ACTR5: variants seen among roughly 807,000 people sequenced by gnomAD.
ACTR5 encodes the protein actin-related protein 5.
A neutral mutation model predicts 61.2 loss-of-function variants in ACTR5; 43 were observed. That is an observed-to-expected ratio of 0.70 (90% CI 0.55 to 0.91). The LOEUF is 0.91. ACTR5 is among the 40% of genes least tolerant of loss of function. The pLI, the probability that ACTR5 is intolerant of heterozygous loss-of-function variation, is 0.00. For missense variants in ACTR5, 798 were observed against 782.2 expected (o/e 1.02, Z -0.24); for synonymous variants, 333 against 310.5 (o/e 1.07, Z -0.76).
intron 8 of ACTR5, among the ~76,000 whole-genome samples, chr20:38,767,887 G>A (rs1359706162): frequency 6.6e-6 from 1 of 152,184 alleles, no homozygotes; most frequent in Non-Finnish European, 1.5e-5. Flanking sequence ...AGACATTGTG[G>A]GGCATGGGAT....
At chr20:38,766,733 T>C (rs2084489207) in intron 7 of ACTR5, among the ~76,000 whole-genome samples, 1 of 152,126 alleles carries the variant, frequency 6.6e-6, no homozygotes, top group Non-Finnish European at 1.5e-5. Flanking sequence ...CTAATAAAAT[T>C]TTTTTCCCCT....
Position 38,765,474 on chromosome 20 carries a change from T to G in ACTR5, c.1249T>G (p.Ser417Ala). ...CATGAATGATTTTGATCCCTTGTTTTCAGAGGAAACACCTGGAGTGGAGAA... is the reference window on the plus strand; with the variant it reads ...CATGAATGATTTTGATCCCTTGTTTGCAGAGGAAACACCTGGAGTGGAGAA... Reference protein sequence around the residue: ...ESMNDFDPLFSEETPGVEKPV... With the variant: ...ESMNDFDPLFAEETPGVEKPV... The change falls in exon 6 of 9, where the codon TCA (serine) becomes GCA (alanine). Residue 417 changes from serine to alanine, a missense_variant. Physicochemically the swap from Ser to Ala is moderately conservative, Grantham distance 99. Transcript: ENST00000243903. 1 of 1,614,204 alleles carries G rather than the reference T, an allele frequency of 6.2e-7. No homozygotes were observed. The highest frequency in any genetic ancestry group is 8.5e-7 in the Non-Finnish European group (1 of 1,180,024).
intron 8 of ACTR5, among the ~76,000 whole-genome samples, chr20:38,770,521 A>G (rs1195392063): frequency 6.6e-6 from 1 of 152,156 alleles, no homozygotes; most frequent in Non-Finnish European, 1.5e-5. Context: ...AATTATTATG[A>G]CAATTTTTTT....
intron 5 of ACTR5, among the ~76,000 whole-genome samples, chr20:38,762,162 T>C (rs963584487): frequency 6.6e-6 from 1 of 152,204 alleles, no homozygotes; most frequent in Non-Finnish European, 1.5e-5. Flanking sequence ...TGGAATCAGC[T>C]GGAGGGTTTT....
At position 38,759,958 on chromosome 20, in the gene ACTR5, C is replaced by T. The variant is rs559830589; in HGVS notation, c.1176+3919C>T. 1.3e-4 allele frequency among the ~76,000 whole-genome samples: 20 copies of T among 151,700 alleles called. No individual in the cohort carries two copies. The East Asian group carries it at 1.4e-3, about 10-fold the overall frequency. The stretch of plus-strand genomic sequence containing the variant: ...AGGAGGGAAGATCACTTGTGCCCAG[C>T]GCTTTGAGACCAATCCCTGAGTCAC... On this transcript the variant is annotated intron_variant, in intron 5 of 8. Transcript: ENST00000243903.
At chr20:38,767,723 C>G (rs1441104849) in intron 8 of ACTR5, 127 bp downstream of exon 8, 2 of 1,069,396 alleles carry the variant, frequency 1.9e-6, no homozygotes, top group African/African-American at 3.2e-5. Context: ...GTCTTAAGTC[C>G]ATGCTTAATT....
rs568689547 is a variant in ACTR5 at position 38,771,996 on chromosome 20, G to C, written c.*180G>C. On this transcript the variant is annotated 3_prime_UTR_variant, in exon 9 of 9. Coordinates refer to ENST00000243903, the MANE Select transcript of ACTR5 (RefSeq NM_024855.4). ...CACTGAGACCTGCCCTTCAGAATTCGGTTCACTTGGGGGCTTCTGTGGTAG... is the reference window on the plus strand; with the variant it reads ...CACTGAGACCTGCCCTTCAGAATTCCGTTCACTTGGGGGCTTCTGTGGTAG... 1.2e-6 allele frequency: 1 copy of C among 854,582 alleles called. No individual in the cohort carries two copies. The highest frequency in any genetic ancestry group is 1.7e-5 in the African/African-American group (1 of 58,566). The allele number at this position is 854,582 out of a possible 1,614,324, so 52.9% of individuals were successfully genotyped here.
At position 38,748,795 on chromosome 20, in the gene ACTR5, T is replaced by G. The variant is rs752574192; in HGVS notation, c.317T>G (p.Leu106Arg). The stretch of plus-strand genomic sequence containing the variant: ...TTCGACCGCAACGTGCCGGTCAACC[T>G]GGAGCTTCAGGAGTTGCTGCTGGAC... ...SPFDRNVPVN[L>R]ELQELLLDYS... The change falls in exon 1 of 9, where the codon CTG becomes CGG. Residue 106 changes from leucine to arginine, a missense_variant. Leu to Arg is a moderately radical substitution (Grantham distance 102). Coordinates refer to ENST00000243903, the MANE Select transcript of ACTR5 (RefSeq NM_024855.4). The G allele has an allele frequency of 4.3e-6, 7 of 1,609,392 alleles. No individual in the cohort carries two copies. In the South Asian group the frequency reaches 7.7e-5, roughly 18 times the overall value.
In ACTR5 at chr20:38,763,649, C is replaced by T. The variant is rs547699736; in HGVS notation, c.1177-1753C>T. Reference sequence around the variant, plus strand: ...CCTCTTCCCACATGTCCACTGCCTACTAGTGTGATGTGATCTTGGGCAAGT... The same window carrying T: ...CCTCTTCCCACATGTCCACTGCCTATTAGTGTGATGTGATCTTGGGCAAGT... On this transcript the variant is annotated intron_variant, in intron 5 of 8. Coordinates refer to ENST00000243903, the MANE Select transcript of ACTR5 (RefSeq NM_024855.4). Among the ~76,000 whole-genome samples the T allele has an allele frequency of 2.6e-5, 4 of 152,242 alleles. No individual in the cohort carries two copies. The South Asian group carries it at 8.3e-4, about 32-fold the overall frequency.
Position 38,750,159 on chromosome 20 carries a change from G to A in ACTR5, c.525G>A (p.Lys175=). Residue 175 remains lysine (K), a synonymous_variant, in exon 2 of 9, where the codon AAG becomes AAA. Coordinates refer to ENST00000243903, the MANE Select transcript of ACTR5 (RefSeq NM_024855.4). The part of the protein sequence containing the change: ...IDSLFSFYHN[K]PKNSMCSGLI... Reference sequence around the variant, plus strand: ...GCCTCTTCAGCTTCTACCACAATAAGCCAAAGAACTCGATGTGCAGTGGGC... The same window carrying A: ...GCCTCTTCAGCTTCTACCACAATAAACCAAAGAACTCGATGTGCAGTGGGC... The A allele has an allele frequency of 6.2e-7, 1 of 1,614,184 alleles. No individual in the cohort carries two copies.
At chr20:38,760,768 C>T (rs180779534) in intron 5 of ACTR5, among the ~76,000 whole-genome samples, 2 of 152,276 alleles carry the variant, frequency 1.3e-5, no homozygotes, top group East Asian at 3.9e-4. Context: ...AACCCTTAGG[C>T]TGTATTGAAA....
chr20:38,755,892 C>T lies in ACTR5; in HGVS notation c.1029C>T (p.His343=). Residue 343 remains histidine (H), a synonymous_variant, in exon 5 of 9, where the codon CAC becomes CAT. Coordinates refer to ENST00000243903, the MANE Select transcript of ACTR5 (RefSeq NM_024855.4). ...AGGATGGCCAGATGGATCAGTTTCA[C>T]AAAGCTCTGATAGAGCTGAATATGG... is the stretch of plus-strand genomic sequence containing the variant. ...LLEDGQMDQF[H]KALIELNMDS... The T allele has an allele frequency of 6.2e-7, 1 of 1,614,156 alleles. No individual in the cohort carries two copies.
intron 5 of ACTR5, among the ~76,000 whole-genome samples, chr20:38,758,249 T>C (rs1266860120): frequency 6.6e-6 from 1 of 152,230 alleles, no homozygotes; most frequent in Non-Finnish European, 1.5e-5. Flanking sequence ...ACTCAGTAGG[T>C]ACCTACTTCA....
At chr20:38,754,910 G>T in intron 3 of ACTR5, 47 bp from the exon 4 acceptor site, 1 of 1,594,314 alleles carries the variant, frequency 6.3e-7, no homozygotes, top group Admixed American at 1.7e-5. Flanking sequence ...TAATTGTTGT[G>T]TTAATAGTGT....
intron 5 of ACTR5, among the ~76,000 whole-genome samples, chr20:38,759,702 G>A (rs1346644741): frequency 1.3e-5 from 2 of 152,144 alleles, no homozygotes; most frequent in African/African-American, 4.8e-5. Flanking sequence ...CAGGGATGCA[G>A]AGGTGATTAA....
chr20:38,771,761 A>G lies in ACTR5; in HGVS notation c.1769A>G (p.Gln590Arg). The change falls in exon 9 of 9, where the codon CAG becomes CGG. Residue 590 changes from glutamine (Q) to arginine (R), a missense_variant. Transcript: ENST00000243903. ...PKQASRSSDA[Q>R]ASSKGSAAGG... ...CAGGCCTCCCGCTCCTCAGATGCCC[A>G]GGCATCCAGCAAGGGCTCCGCTGCT... 1.2e-6 allele frequency: 2 copies of G among 1,614,004 alleles called. No individual in the cohort carries two copies. The highest frequency in any genetic ancestry group is 1.1e-5 in the South Asian group (1 of 91,070).
chr20:38,751,949 G>T (rs1269563801), intron 2 of ACTR5, among the ~76,000 whole-genome samples, 182 bp from the exon 3 acceptor site: 1 of 152,180 alleles, frequency 6.6e-6, no homozygotes, highest in Non-Finnish European at 1.5e-5. Context: ...AGCTAGGAAT[G>T]CCTGCCTAGA....
chr20:38,772,109 G>A lies in ACTR5; in HGVS notation c.*293G>A. ...AGCAGTAAATGAAGACAGAGTGGAG[G>A]ACACAAATGTACAAAATGCACAAGA... On this transcript the variant is annotated 3_prime_UTR_variant, in exon 9 of 9. Coordinates refer to ENST00000243903, the MANE Select transcript of ACTR5 (RefSeq NM_024855.4). 2 of 414,998 alleles carry A rather than the reference G, an allele frequency of 4.8e-6. No homozygotes were observed. The highest frequency in any genetic ancestry group is 8.1e-5 in the South Asian group (2 of 24,712). 25.7% of individuals were successfully genotyped at this position (414,998 alleles called of 1,614,324 possible). A position where few individuals can be genotyped will look rare whatever the true frequency, so the allele number is the denominator to read the frequency against.
chr20:38,754,866 G>C, intron 3 of ACTR5, 91 bp from the exon 4 acceptor site: 1 of 1,322,168 alleles, frequency 7.6e-7, no homozygotes, highest in African/African-American at 1.4e-5. Flanking sequence ...TGGGATTACA[G>C]GCGTGAGCCC....
Sources: allele counts gnomAD v4.1 joint callset (sites outside exome capture counted in the v4.1 genomes callset), GRCh38; gene constraint gnomAD v4.1.1; transcripts MANE v1.5; gene names NCBI Gene and HGNC (gene_info 2026-07-23, HGNC 2026-07-21).